SAMD5: variants seen among roughly 807,000 people sequenced by gnomAD.
SAMD5 encodes the protein sterile alpha motif domain-containing protein 5.
SAMD5 carries 13 observed loss-of-function variants against 11.3 expected under a neutral mutation model. The ratio of observed to expected loss-of-function variants is 1.15; its 90% confidence interval spans 0.75 to 1.83. SAMD5 has a LOEUF of 1.83. Among genes scored for constraint, SAMD5 ranks in the 40% most tolerant of loss-of-function variants. The pLI is 0.00. For missense variants in SAMD5, 255 were observed against 239.1 expected, an observed-to-expected ratio of 1.07 and a Z score of -0.44; for synonymous variants, 129 against 111.3, an observed-to-expected ratio of 1.16 and a Z score of -1.00.
At chr6:147,792,903 G>A in the SAMD5 span, among the ~76,000 whole-genome samples, 2 of 152,146 alleles carry the variant, frequency 1.3e-5, no homozygotes, top group African/African-American at 4.8e-5. Context: ...ATAAATATTT[G>A]TGATTCCATA....
At chr6:147,668,925 A>C (rs1429550856) in intron 1 of SAMD5, among the ~76,000 whole-genome samples, 4 of 152,250 alleles carry the variant, frequency 2.6e-5, no homozygotes, top group Non-Finnish European at 4.4e-5. Context: ...ACATAACTTA[A>C]TTAAAAATAC....
chr6:147,953,615 G>A, the SAMD5 span: 2 of 152,132 alleles, frequency 1.3e-5, no homozygotes, highest in South Asian at 4.1e-4. Context: ...GTTAAAATCA[G>A]CCAAAATATA....
intron 1 of SAMD5, among the ~76,000 whole-genome samples, chr6:147,618,429 G>A (rs1789906760): frequency 1.3e-5 from 2 of 152,330 alleles, no homozygotes; most frequent in South Asian, 4.1e-4. Context: ...CAGAGATTGG[G>A]AGGAAGGTGG....
intron 1 of SAMD5, among the ~76,000 whole-genome samples, chr6:147,698,473 G>T (rs1583144137): frequency 6.6e-6 from 1 of 152,128 alleles, no homozygotes; most frequent in African/African-American, 2.4e-5. Flanking sequence ...ACTTAGCCCA[G>T]ATGTGATGTC....
At chr6:147,759,951 C>A in the SAMD5 span, among the ~76,000 whole-genome samples, 1 of 152,160 alleles carries the variant, frequency 6.6e-6, no homozygotes, top group East Asian at 1.9e-4. Context: ...AATTCCATAT[C>A]TACACTCTTC....
the SAMD5 span, among the ~76,000 whole-genome samples, chr6:147,853,340 C>A: frequency 6.6e-6 from 1 of 152,014 alleles, no homozygotes; most frequent in Non-Finnish European, 1.5e-5. Flanking sequence ...ACCTCCCATG[C>A]TTTGGGCTCC....
chr6:147,633,448 T>C (rs1480619891), intron 1 of SAMD5, among the ~76,000 whole-genome samples: 1 of 152,096 alleles, frequency 6.6e-6, no homozygotes, highest in Non-Finnish European at 1.5e-5. Context: ...GTTGAATAAT[T>C]GGGAATGACT....
chr6:147,670,992 A>G (rs1484650416), intron 1 of SAMD5, among the ~76,000 whole-genome samples: 1 of 152,192 alleles, frequency 6.6e-6, no homozygotes, highest in Non-Finnish European at 1.5e-5. Flanking sequence ...TTTTGACTTA[A>G]AGTGAGAGAA....
chr6:147,819,836 A>C, the SAMD5 span, among the ~76,000 whole-genome samples: 5 of 152,210 alleles, frequency 3.3e-5, no homozygotes, highest in African/African-American at 1.2e-4. Flanking sequence ...GGGAAAAGAG[A>C]GGGCCTGAGA....
chr6:147,693,357 C>T (rs781436726), intron 1 of SAMD5, among the ~76,000 whole-genome samples: 5 of 152,238 alleles, frequency 3.3e-5, no homozygotes, highest in South Asian at 2.1e-4. Flanking sequence ...GCATCCTGCA[C>T]GCAGCTGTCA....
At chr6:147,642,974 G>A (rs1215693036) in intron 1 of SAMD5, among the ~76,000 whole-genome samples, 1 of 152,138 alleles carries the variant, frequency 6.6e-6, no homozygotes, top group Non-Finnish European at 1.5e-5. Context: ...GCCTAATTCT[G>A]CGAAAATAAC....
chr6:147,927,493 C>T, the SAMD5 span, among the ~76,000 whole-genome samples: 3 of 152,058 alleles, frequency 2.0e-5, no homozygotes, highest in African/African-American at 2.4e-5. Context: ...GAAACGTTCA[C>T]GATTTTTGCA....
chr6:147,774,418 A>G, the SAMD5 span, among the ~76,000 whole-genome samples: 1 of 152,178 alleles, frequency 6.6e-6, no homozygotes, highest in East Asian at 1.9e-4. Context: ...TGGGTACCAA[A>G]ATTTACAAAT....
chr6:147,780,267 G>A, the SAMD5 span, among the ~76,000 whole-genome samples: 1 of 151,878 alleles, frequency 6.6e-6, no homozygotes, highest in South Asian at 2.1e-4. Flanking sequence ...GAGCACAGTG[G>A]TGTGATCTTG....
chr6:147,899,136 A>G, the SAMD5 span, among the ~76,000 whole-genome samples: 6 of 131,994 alleles, frequency 4.5e-5, no homozygotes, highest in African/African-American at 1.5e-4. Context: ...GCGCCACTGC[A>G]CTCCAGCCTG....
chr6:147,774,544 T>C, the SAMD5 span, among the ~76,000 whole-genome samples: 1 of 152,172 alleles, frequency 6.6e-6, no homozygotes, highest in African/African-American at 2.4e-5. Flanking sequence ...GTAAATGCTA[T>C]GTAAGTAGTT....
chr6:147,691,427 AT>A (rs1205388421), intron 1 of SAMD5, among the ~76,000 whole-genome samples: 1 of 152,210 alleles, frequency 6.6e-6, no homozygotes, highest in East Asian at 1.9e-4. Context: ...CAAATTATAG[AT>A]ATATATACTA....
chr6:147,610,944 A>G (rs1789774341), intron 1 of SAMD5, among the ~76,000 whole-genome samples: 1 of 147,956 alleles, frequency 6.8e-6, no homozygotes, highest in Non-Finnish European at 1.5e-5. Flanking sequence ...ATCTCAGCTT[A>G]CTGCAACCTC....
At chr6:147,861,096 C>T in the SAMD5 span, among the ~76,000 whole-genome samples, 1 of 152,118 alleles carries the variant, frequency 6.6e-6, no homozygotes, top group Non-Finnish European at 1.5e-5. Flanking sequence ...TGGGTCTTTC[C>T]AGCTCCAATG....
Sources: allele counts gnomAD v4.1 joint callset (sites outside exome capture counted in the v4.1 genomes callset), GRCh38; gene constraint gnomAD v4.1.1; transcripts MANE v1.5; gene names NCBI Gene and HGNC (gene_info 2026-07-23, HGNC 2026-07-21).